The following MBD5 variants were observed in gnomAD, a reference collection of about 807,000 sequenced individuals.
MBD5 encodes methyl-CpG-binding domain protein 5.
A neutral mutation model predicts 117.3 loss-of-function variants in MBD5; 13 were observed. The ratio of observed to expected loss-of-function variants is 0.11; its 90% CI spans 0.07 to 0.18. The LOEUF is 0.18. Among genes scored for constraint, MBD5 ranks in the 10% least tolerant of loss-of-function variants. The pLI is 1.00. For synonymous variants in MBD5, 727 were observed against 766.4 expected, an observed-to-expected ratio of 0.95 and a Z score of 0.85; for missense variants, 1,879 against 2,093.8, an observed-to-expected ratio of 0.90 and a Z score of 2.00.
rs144984655 is a variant in MBD5, at chr2:148,145,726, G to T, written c.-924-32974G>T. 4.9e-3 allele frequency among the ~76,000 whole-genome samples: 747 copies of T among 152,150 alleles called. 8 individuals carry two copies. Among genetic ancestry groups the T allele is most frequent in the African/African-American group, 0.017 (724 of 41,518 alleles). On this transcript the variant is annotated intron_variant, in intron 1 of 13. Coordinates refer to ENST00000642680, the MANE Select transcript of MBD5 (RefSeq NM_001378120.1). The stretch of plus-strand genomic sequence containing the variant: ...GATAATCATATGGTTTTTGTCTTTG[G>T]TCTGCTTATGTGATGGATTACATTT...
chr2:148,327,414 T>C (rs1702486638), intron 3 of MBD5, among the ~76,000 whole-genome samples: 2 of 152,218 alleles, frequency 1.3e-5, no homozygotes, highest in Admixed American at 1.3e-4. Flanking sequence ...TTCTCCTGGA[T>C]AATATCCTTT....
At chr2:148,139,838 A>G (rs1178045389) in intron 1 of MBD5, among the ~76,000 whole-genome samples, 1 of 152,142 alleles carries the variant, frequency 6.6e-6, no homozygotes, top group Non-Finnish European at 1.5e-5. Context: ...GGGCCCCAAC[A>G]TATCCTGTTC....
At chr2:148,143,921 A>G (rs1187281185) in intron 1 of MBD5, among the ~76,000 whole-genome samples, 5 of 152,108 alleles carry the variant, frequency 3.3e-5, no homozygotes, top group Non-Finnish European at 5.9e-5. Context: ...ATACGTGTGC[A>G]TGTGTCTTCA....
intron 3 of MBD5, among the ~76,000 whole-genome samples, chr2:148,315,608 C>T (rs1398202372): frequency 6.6e-6 from 1 of 152,052 alleles, no homozygotes; most frequent in Non-Finnish European, 1.5e-5. Flanking sequence ...ATTTTTAAGA[C>T]CCTCAATTAT....
At chr2:148,446,266 G>T (rs1706516463) in intron 4 of MBD5, among the ~76,000 whole-genome samples, 1 of 152,042 alleles carries the variant, frequency 6.6e-6, no homozygotes, top group South Asian at 2.1e-4. Flanking sequence ...ATGGTTTTAG[G>T]TCTAACATGT....
chr2:148,173,212 A>T (rs566728513), intron 1 of MBD5, among the ~76,000 whole-genome samples: 8 of 152,292 alleles, frequency 5.3e-5, no homozygotes, highest in African/African-American at 1.7e-4. Context: ...TCCTTGAGCC[A>T]GTGCTGTGAC....
chr2:148,034,804 T>A (rs758260162), intron 1 of MBD5, among the ~76,000 whole-genome samples: 1 of 152,210 alleles, frequency 6.6e-6, no homozygotes, highest in Non-Finnish European at 1.5e-5. Context: ...TTTTTAAAGT[T>A]AAGTGCTGAG....
intron 3 of MBD5, among the ~76,000 whole-genome samples, chr2:148,273,452 C>T (rs898190326): frequency 6.6e-6 from 1 of 152,092 alleles, no homozygotes. Context: ...AAACTTAAGA[C>T]TGGTGTTTGG....
At chr2:148,382,340 G>C (rs1328016167) in intron 4 of MBD5, among the ~76,000 whole-genome samples, 1 of 152,212 alleles carries the variant, frequency 6.6e-6, no homozygotes, top group East Asian at 1.9e-4. Context: ...AAACAACAAA[G>C]ATCAAAAGAG....
At chr2:148,253,313 T>G (rs1160678683) in intron 3 of MBD5, among the ~76,000 whole-genome samples, 1 of 152,198 alleles carries the variant, frequency 6.6e-6, no homozygotes, top group Non-Finnish European at 1.5e-5. Context: ...CAGTAAAATT[T>G]CACTGTAATG....
In MBD5 at chr2:148,070,462, A is replaced by G. The variant is rs1695321075; in HGVS notation, c.-925+48778A>G. On this transcript the variant is annotated intron_variant, in intron 1 of 13. Coordinates refer to ENST00000642680, the MANE Select transcript of MBD5 (RefSeq NM_001378120.1). Reference sequence around the variant, plus strand: ...AATCATTAAGAGAGCCACTATAAAAATAAGTTTAAAAAATTCTCAGGCAAA... The same window carrying G: ...AATCATTAAGAGAGCCACTATAAAAGTAAGTTTAAAAAATTCTCAGGCAAA... Among the ~76,000 whole-genome samples, 4 of 152,250 alleles carry G rather than the reference A, an allele frequency of 2.6e-5. No individual in the cohort carries two copies. In the South Asian group the frequency reaches 8.3e-4, roughly 31 times the overall value.
chr2:148,331,371 AT>A (rs59953469), intron 3 of MBD5, among the ~76,000 whole-genome samples: 42,030 of 146,902 alleles, frequency 0.29, 6,000 homozygotes, highest in Admixed American at 0.32. Context: ...ATCATTTTCC[AT>A]TTTTTTTTTT....
At chr2:148,401,176 A>C (rs1255828633) in intron 4 of MBD5, among the ~76,000 whole-genome samples, 1 of 152,190 alleles carries the variant, frequency 6.6e-6, no homozygotes, top group African/African-American at 2.4e-5. Flanking sequence ...AAAATGATTA[A>C]GATTAGTCTG....
chr2:148,240,029 G>A (rs4625849), intron 3 of MBD5, among the ~76,000 whole-genome samples: 143,660 of 151,834 alleles, frequency 0.95, 68,451 homozygotes, highest in East Asian at 1. Flanking sequence ...ATGTCCATCA[G>A]TGATAGACTG....
chr2:148,406,904 G>A (rs915546820), intron 4 of MBD5, among the ~76,000 whole-genome samples: 1 of 152,096 alleles, frequency 6.6e-6, no homozygotes, highest in Admixed American at 6.6e-5. Flanking sequence ...TCTAAAGGTG[G>A]TCTTTCCTGC....
intron 4 of MBD5, among the ~76,000 whole-genome samples, chr2:148,344,405 G>A (rs968078630): frequency 2.6e-5 from 4 of 152,004 alleles, no homozygotes; most frequent in Non-Finnish European, 5.9e-5. Flanking sequence ...ATTGCTTTGG[G>A]CAGTATGGCC....
At chr2:148,355,118 TG>T (rs1395067904) in intron 4 of MBD5, among the ~76,000 whole-genome samples, 1 of 142,918 alleles carries the variant, frequency 7.0e-6, no homozygotes, top group African/African-American at 2.5e-5. Context: ...TTGATGGGGT[TG>T]TTTGTTTTTT....
At chr2:148,092,967 G>T (rs1411263777) in intron 1 of MBD5, among the ~76,000 whole-genome samples, 1 of 151,892 alleles carries the variant, frequency 6.6e-6, no homozygotes, top group African/African-American at 2.4e-5. Flanking sequence ...ACCCAGGCTG[G>T]AGTGCAGTGG....
intron 1 of MBD5, chr2:148,027,104 T>C (rs1043600279): frequency 1.3e-4 from 20 of 152,156 alleles, no homozygotes; most frequent in African/African-American, 4.6e-4. Flanking sequence ...GTTGATGGTG[T>C]AAAAGCCCAT....
Sources: gnomAD v4.1 joint callset for allele counts (sites outside exome capture counted in the v4.1 genomes callset) on GRCh38, gnomAD v4.1.1 for gene constraint, MANE v1.5 for transcripts, NCBI Gene and HGNC (gene_info 2026-07-23, HGNC 2026-07-21) for gene names.